Variants in RADIL observed in about 807,000 individuals in gnomAD.
RADIL encodes the protein Rap associating with DIL domain.
Under a neutral mutation model 97.6 loss-of-function variants are expected in RADIL, and 99 were observed. The ratio of observed to expected loss-of-function variants is 1.01; its 90% CI spans 0.86 to 1.20. The LOEUF is 1.20. RADIL is among the 50% of genes most tolerant of loss of function. The probability of loss-of-function intolerance (pLI) is 0.00; values close to 1 mark genes in which losing one functional copy is unlikely to be tolerated. For synonymous variants in RADIL, 803 were observed against 691.8 expected, an observed-to-expected ratio of 1.16 and a Z score of -2.52; for missense variants, 1,765 against 1,498.9, an observed-to-expected ratio of 1.18 and a Z score of -2.93.
chr7:4,836,408 G>T lies in RADIL; in HGVS notation c.733C>A (p.Leu245Met), dbSNP rs1783300512. Reference sequence around the variant, plus strand: ...AGGAGCAGATGCGGGGACTGGTACAGCGAGTACCGCATGGCGTCGGGGCCG... The same window carrying T: ...AGGAGCAGATGCGGGGACTGGTACATCGAGTACCGCATGGCGTCGGGGCCG... Reference protein sequence around the residue: ...EPGPDAMRYSLYQSPHLLLLQ... With the variant: ...EPGPDAMRYSMYQSPHLLLLQ... Residue 245 changes from leucine to methionine, a missense_variant, in exon 3 of 15, where the codon CTG (leucine) becomes ATG (methionine). By Grantham distance (15) the Leu-to-Met change is conservative. Transcript: ENST00000399583. The T allele has an allele frequency of 6.3e-7, 1 of 1,580,626 alleles. No homozygotes were observed. Among genetic ancestry groups the T allele is most frequent in the African/African-American group, 1.3e-5 (1 of 74,366 alleles).
chr7:4,832,896 A>G (rs970527064), intron 4 of RADIL, among the ~76,000 whole-genome samples: 7 of 152,202 alleles, frequency 4.6e-5, no homozygotes, highest in African/African-American at 1.4e-4. Flanking sequence ...GCACATTCTC[A>G]GGAAACAAAC....
intron 9 of RADIL, among the ~76,000 whole-genome samples, chr7:4,808,374 A>G (rs946703535): frequency 6.6e-6 from 1 of 151,896 alleles, no homozygotes; most frequent in African/African-American, 2.4e-5. Flanking sequence ...TATGGATACT[A>G]TATCTTCTCT....
Position 4,824,250 on chromosome 7 carries a change from G to A in RADIL, c.1455-1696C>T, listed in dbSNP as rs897752256. On this transcript the variant is annotated intron_variant, in intron 5 of 14. Coordinates refer to ENST00000399583, the MANE Select transcript of RADIL (RefSeq NM_018059.5). This position sits in a 1 kb window ranked among gnomAD's most constrained non-coding sequence, Gnocchi z 6.7. ...CCAGGCAGCTGCCACTCTGCTGGCC[G>A]CAGGGCATGGTGCCAGCCCAGTGCC... Among the ~76,000 whole-genome samples the A allele has an allele frequency of 1.3e-5, 2 of 152,240 alleles. No homozygotes were observed. Among genetic ancestry groups the A allele is most frequent in the Non-Finnish European group, 2.9e-5 (2 of 68,030 alleles).
intron 12 of RADIL, 65 bp downstream of exon 12, chr7:4,801,588 C>T: frequency 1.3e-6 from 2 of 1,490,476 alleles, no homozygotes; most frequent in South Asian, 1.2e-5. Flanking sequence ...TCCCAGGGGA[C>T]CGGCCATCAG....
chr7:4,834,985 G>A lies in RADIL; in HGVS notation c.1038C>T (p.Ser346=), dbSNP rs777730041. Reference sequence around the variant, plus strand: ...ATAGCAGCAGGTAGTAGAGCCCCAGGGAGAGCAGGTCCCCGTGGTGCAGCA... The same window carrying A: ...ATAGCAGCAGGTAGTAGAGCCCCAGAGAGAGCAGGTCCCCGTGGTGCAGCA... ...TVVLHHGDLL[S]LGLYYLLLFK... is the part of the protein sequence containing the mutation. The change falls in exon 4 of 15, where the codon TCC becomes TCT. Residue 346 remains serine, a synonymous_variant. Transcript: ENST00000399583. The surrounding 1 kb of genome is among the most constrained non-coding windows in gnomAD (Gnocchi z 6.0). 5 of 1,611,130 alleles carry A rather than the reference G, an allele frequency of 3.1e-6. No individual in the cohort carries two copies. The highest frequency in any genetic ancestry group is 2.7e-5 in the African/African-American group (2 of 74,900).
In RADIL at chr7:4,821,301, T is replaced by C. The variant is rs1045324989; in HGVS notation, c.1615+1093A>G. On this transcript the variant is annotated intron_variant, in intron 6 of 14. Coordinates refer to ENST00000399583, the MANE Select transcript of RADIL (RefSeq NM_018059.5). The surrounding 1 kb of genome is among the most constrained non-coding windows in gnomAD (Gnocchi z 5.2). ...GGGCAGTGGGTGGACAGCAAGGCCG[T>C]TGGGGGCAGAACCAAGGCTTCCCAT... Among the ~76,000 whole-genome samples the C allele has an allele frequency of 6.6e-6, 1 of 152,148 alleles. No individual in the cohort carries two copies. The highest frequency in any genetic ancestry group is 2.4e-5 in the African/African-American group (1 of 41,450).
In RADIL at chr7:4,863,307, G is replaced by A. The variant is rs561794588; in HGVS notation, c.535+14298C>T. On this transcript the variant is annotated intron_variant, in intron 2 of 14. Coordinates refer to ENST00000399583, the MANE Select transcript of RADIL (RefSeq NM_018059.5). ...CCCCCTACCTTTTATTTCTTTAAAC[G>A]TGTTAAACATACTTATTTAGTACTC... Among the ~76,000 whole-genome samples, 10 of 152,028 alleles carry A rather than the reference G, an allele frequency of 6.6e-5. No individual in the cohort carries two copies. The South Asian group carries it at 2.1e-3, about 32-fold the overall frequency.
chr7:4,812,477 A>G (rs1379726683), intron 9 of RADIL, among the ~76,000 whole-genome samples: 1 of 152,062 alleles, frequency 6.6e-6, no homozygotes, highest in Non-Finnish European at 1.5e-5. Context: ...GCTGGAGTGC[A>G]ATGGCATGAT....
rs575463869 is a variant in RADIL at position 4,879,653 on chromosome 7, G to A, written c.-64-1450C>T. Among the ~76,000 whole-genome samples, 5 of 152,252 alleles carry A rather than the reference G, an allele frequency of 3.3e-5. No homozygotes were observed. Among genetic ancestry groups the A allele is most frequent in the African/African-American group, 7.2e-5 (3 of 41,546 alleles). On this transcript the variant is annotated intron_variant, in intron 1 of 14. Coordinates refer to ENST00000399583, the MANE Select transcript of RADIL (RefSeq NM_018059.5). This position sits in a 1 kb window ranked among gnomAD's most constrained non-coding sequence, Gnocchi z 4.1. The stretch of plus-strand genomic sequence containing the variant: ...AGGCTTGACTCACTCGTCACGCTGC[G>A]GGCGCTGCAAAAGGCTTCTGGAAAG...
Position 4,817,411 on chromosome 7 carries a change from C to G in RADIL, c.1616-60G>C, listed in dbSNP as rs1782705174. ...GGCACAGCGCTCAGGAACGCAGCAA[C>G]TCAGCCAGCCGCCAGCTCTTTCCCT... On this transcript the variant is annotated intron_variant, in intron 6 of 14. Transcript: ENST00000399583. The surrounding 1 kb of genome is among the most constrained non-coding windows in gnomAD (Gnocchi z 8.3). The G allele has an allele frequency of 6.9e-7, 1 of 1,456,694 alleles. No homozygotes were observed. The highest frequency in any genetic ancestry group is 9.4e-7 in the Non-Finnish European group (1 of 1,066,984). 90.2% of individuals were successfully genotyped at this position (1,456,694 alleles called of 1,614,324 possible).
intron 2 of RADIL, among the ~76,000 whole-genome samples, chr7:4,870,747 TTA>T (rs1381245581): frequency 6.6e-6 from 1 of 152,188 alleles, no homozygotes; most frequent in Non-Finnish European, 1.5e-5. Context: ...CCCGACTATT[TTA>T]TGTCTTTCAA....
At chr7:4,850,510 A>C (rs1783683404) in intron 2 of RADIL, among the ~76,000 whole-genome samples, 2 of 152,216 alleles carry the variant, frequency 1.3e-5, no homozygotes, top group South Asian at 4.1e-4. Context: ...TTCAAAGCCC[A>C]GAGTTCTCTC....
chr7:4,877,096 A>G (rs1394866760), intron 2 of RADIL, among the ~76,000 whole-genome samples: 2 of 152,214 alleles, frequency 1.3e-5, no homozygotes, highest in African/African-American at 2.4e-5. Flanking sequence ...TTGCAAGAAT[A>G]TATCAGGAGC....
chr7:4,841,157 C>T (rs576558550), intron 2 of RADIL, among the ~76,000 whole-genome samples: 14 of 152,248 alleles, frequency 9.2e-5, no homozygotes, highest in African/African-American at 2.9e-4. Context: ...AGCCAGAATA[C>T]GCCCATGTCT....
Position 4,801,700 on chromosome 7 carries a change from T to TCTGGGAGCGCTTTTCCA in RADIL, c.2778_2794dup (p.Glu932ValfsTer65), listed in dbSNP as rs774892747. 3 of 1,609,730 alleles carry TCTGGGAGCGCTTTTCCA rather than the reference T, an allele frequency of 1.9e-6. No homozygotes were observed. Among genetic ancestry groups the TCTGGGAGCGCTTTTCCA allele is most frequent in the Non-Finnish European group, 2.5e-6 (3 of 1,178,818 alleles). The stretch of plus-strand genomic sequence containing the variant: ...GCCGCTGAGTCCGTTCCTCTGCCTC[T>TCTGGGAGCGCTTTTCCA]CTGGGAGCGCTTTTCCACAGGGGCC... On this transcript the variant is annotated frameshift_variant, in exon 12 of 15. Transcript: ENST00000399583. LOFTEE classifies it high-confidence loss of function.
Position 4,842,176 on chromosome 7 carries a change from G to A in RADIL, c.536-5571C>T, listed in dbSNP as rs541294900. ...AATGTCTGCCTTTGACAATGGGATA[G>A]AAGGAGTAGAAAGTGCAGGGCGCCG... On this transcript the variant is annotated intron_variant, in intron 2 of 14. Transcript: ENST00000399583. This position sits in a 1 kb window ranked among gnomAD's most constrained non-coding sequence, Gnocchi z 4.5. Among the ~76,000 whole-genome samples the A allele has an allele frequency of 3.9e-5, 6 of 152,322 alleles. No homozygotes were observed. Among genetic ancestry groups the A allele is most frequent in the Non-Finnish European group, 8.8e-5 (6 of 68,036 alleles).
intron 9 of RADIL, chr7:4,808,453 C>G (rs753835674): frequency 2.5e-6 from 1 of 401,496 alleles, no homozygotes; most frequent in African/African-American, 2.2e-5. Context: ...CAGGGGTCAT[C>G]AAACTAGGGC....
intron 5 of RADIL, among the ~76,000 whole-genome samples, chr7:4,823,301 C>T (rs1583283132): frequency 6.8e-6 from 1 of 146,674 alleles, no homozygotes; most frequent in African/African-American, 2.5e-5. Context: ...ACTAAAAATA[C>T]AAACATTAGT....
At chr7:4,802,560 T>TC in intron 11 of RADIL, among the ~76,000 whole-genome samples, 1 of 103,462 alleles carries the variant, frequency 9.7e-6, no homozygotes, top group Non-Finnish European at 1.9e-5. Flanking sequence ...CTGGACCCCC[T>TC]CCCCGGGCAC....
Sources: allele counts gnomAD v4.1 joint callset (sites outside exome capture counted in the v4.1 genomes callset), GRCh38; gene constraint gnomAD v4.1.1; non-coding constraint Gnocchi (gnomAD v3.1); transcripts MANE v1.5; gene names NCBI Gene and HGNC (gene_info 2026-07-23, HGNC 2026-07-21).